The following APBA2 variants were observed in gnomAD, a reference collection of about 807,000 sequenced individuals.
The protein encoded by APBA2 is amyloid-beta A4 precursor protein-binding family A member 2.
A neutral mutation model predicts 75.0 loss-of-function variants in APBA2; 30 were observed. The ratio of observed to expected loss-of-function variants is 0.40; its 90% confidence interval spans 0.30 to 0.54. The LOEUF (loss-of-function observed/expected upper bound fraction) is 0.54. APBA2 is among the 20% of genes least tolerant of loss of function. The pLI, the probability that APBA2 is intolerant of heterozygous loss-of-function variation, is 0.49. For missense variants in APBA2, 801 were observed against 1,016.1 expected, an observed-to-expected ratio of 0.79 and a Z score of 2.88; for synonymous variants, 444 against 409.6, an observed-to-expected ratio of 1.08 and a Z score of -1.01.
At chr15:28,998,326 G>A (rs1450993824) in intron 3 of APBA2, among the ~76,000 whole-genome samples, 8 of 151,766 alleles carry the variant, frequency 5.3e-5, no homozygotes, top group African/African-American at 1.9e-4. Flanking sequence ...TATCCTGAAG[G>A]AACACAGAAA....
Position 28,991,404 on chromosome 15 carries a change from A to G in APBA2, c.-94-4349A>G, listed in dbSNP as rs897617022. Among the ~76,000 whole-genome samples the G allele has an allele frequency of 6.6e-6, 1 of 152,112 alleles. No homozygotes were observed. Among genetic ancestry groups the G allele is most frequent in the African/African-American group, 2.4e-5 (1 of 41,382 alleles). On this transcript the variant is annotated intron_variant, in intron 2 of 14. Transcript: ENST00000683413. This position sits in a 1 kb window ranked among gnomAD's most constrained non-coding sequence, Gnocchi z 4.7. ...TGGCTGAGCTACAGGGCCGGGCCGC[A>G]GGAGGCGTCCTTGTGCCGGAGCTCA...
intron 2 of APBA2, among the ~76,000 whole-genome samples, chr15:28,949,748 C>T (rs888633444): frequency 2.4e-4 from 37 of 152,174 alleles, no homozygotes; most frequent in Admixed American, 2.3e-3. Context: ...GGATTTCAGG[C>T]GTGAGTTACC....
chr15:29,058,953 G>C (rs2042019065), intron 4 of APBA2, among the ~76,000 whole-genome samples: 1 of 152,160 alleles, frequency 6.6e-6, no homozygotes, highest in Non-Finnish European at 1.5e-5. Context: ...TGTAAACAAA[G>C]TACCATTTGA....
chr15:28,951,518 G>T (rs1363433593), intron 2 of APBA2, among the ~76,000 whole-genome samples: 1 of 152,190 alleles, frequency 6.6e-6, no homozygotes, highest in Non-Finnish European at 1.5e-5. Context: ...GGCCCTCTCA[G>T]CAGACAGAGC....
At chr15:29,013,231 T>C (rs890323571) in intron 3 of APBA2, among the ~76,000 whole-genome samples, 5 of 151,856 alleles carry the variant, frequency 3.3e-5, no homozygotes, top group Non-Finnish European at 7.4e-5. Flanking sequence ...GCAACTATCC[T>C]GAGTAACGAA....
intron 2 of APBA2, among the ~76,000 whole-genome samples, chr15:28,976,196 A>AC: frequency 6.6e-6 from 1 of 152,238 alleles, no homozygotes; most frequent in African/African-American, 2.4e-5. Context: ...TTGTGTTTTG[A>AC]CCTGGTATCC....
chr15:28,900,021 C>A (rs373322751), intron 1 of APBA2, among the ~76,000 whole-genome samples: 8 of 152,042 alleles, frequency 5.3e-5, no homozygotes, highest in African/African-American at 1.7e-4. Flanking sequence ...AGGTGAGGGA[C>A]CCCTGGGGGA....
intron 13 of APBA2, among the ~76,000 whole-genome samples, chr15:29,109,939 T>G (rs919860730): frequency 6.7e-6 from 1 of 149,698 alleles, no homozygotes; most frequent in East Asian, 1.9e-4. Flanking sequence ...GCACCCCACT[T>G]GGGACTTCAG....
At chr15:29,048,165 G>A (rs1041134004) in intron 3 of APBA2, among the ~76,000 whole-genome samples, 1 of 152,076 alleles carries the variant, frequency 6.6e-6, no homozygotes, top group East Asian at 1.9e-4. Context: ...CGGCCAACAT[G>A]GCAAAACTTC....
intron 3 of APBA2, among the ~76,000 whole-genome samples, chr15:29,005,602 G>A (rs998949719): frequency 6.6e-5 from 10 of 152,098 alleles, no homozygotes; most frequent in African/African-American, 2.4e-4. Context: ...AGTGGCTCAC[G>A]CCAGCAAATT....
At chr15:29,024,584 C>T (rs2040122291) in intron 3 of APBA2, among the ~76,000 whole-genome samples, 1 of 152,198 alleles carries the variant, frequency 6.6e-6, no homozygotes, top group South Asian at 2.1e-4. Context: ...CGTCTGATTG[C>T]TTTCTGGGCT....
At chr15:29,069,580 C>T (rs1455888415) in intron 4 of APBA2, among the ~76,000 whole-genome samples, 2 of 152,250 alleles carry the variant, frequency 1.3e-5, no homozygotes, top group Non-Finnish European at 2.9e-5. Flanking sequence ...CTGGCCTGAT[C>T]TCCCAGGGCC....
At chr15:28,966,861 A>G (rs1407027815) in intron 2 of APBA2, among the ~76,000 whole-genome samples, 1 of 152,136 alleles carries the variant, frequency 6.6e-6, no homozygotes, top group Non-Finnish European at 1.5e-5. Flanking sequence ...TGCTGTAAAT[A>G]TTATGTCAGC....
intron 10 of APBA2, among the ~76,000 whole-genome samples, chr15:29,104,821 C>T (rs77821259): frequency 0.019 from 2,877 of 152,314 alleles, 58 homozygotes; most frequent in African/African-American, 0.049. Flanking sequence ...CAGTGGCTCA[C>T]ACCTGCAATG....
intron 3 of APBA2, among the ~76,000 whole-genome samples, chr15:29,001,684 G>A (rs376583331): frequency 1.3e-5 from 2 of 152,330 alleles, no homozygotes; most frequent in African/African-American, 4.8e-5. Context: ...ACAAGGAGCT[G>A]GCTGTTACTA....
chr15:29,081,276 CG>C (rs2043073083), intron 6 of APBA2, among the ~76,000 whole-genome samples: 1 of 152,084 alleles, frequency 6.6e-6, no homozygotes, highest in Admixed American at 6.5e-5. Context: ...GGGGGATGGA[CG>C]GGAGGAAGGT....
At chr15:29,004,458 T>C (rs537483893) in intron 3 of APBA2, among the ~76,000 whole-genome samples, 93 of 152,306 alleles carry the variant, frequency 6.1e-4, no homozygotes, top group Non-Finnish European at 1.1e-3. Flanking sequence ...TCCACATTGG[T>C]GTAGCACCGT....
At chr15:28,908,315 G>GTTTTTTCTTTTTTTTTTT (rs2033241518) in intron 1 of APBA2, among the ~76,000 whole-genome samples, 1 of 137,596 alleles carries the variant, frequency 7.3e-6, no homozygotes, top group African/African-American at 3.0e-5. Flanking sequence ...TTGTTTTCTT[G>GTTTTTTCTTTTTTTTTTT]TTTTTTTTTT....
intron 3 of APBA2, among the ~76,000 whole-genome samples, chr15:29,019,845 AAGC>A (rs1411973462): frequency 1.3e-5 from 2 of 152,262 alleles, no homozygotes; most frequent in African/African-American, 4.8e-5. Context: ...AGAGAGCAAG[AAGC>A]AGAAGTGCTG....
Sources: allele counts gnomAD v4.1 joint callset (sites outside exome capture counted in the v4.1 genomes callset), GRCh38; gene constraint gnomAD v4.1.1; non-coding constraint Gnocchi (gnomAD v3.1); transcripts MANE v1.5; gene names NCBI Gene and HGNC (gene_info 2026-07-23, HGNC 2026-07-21).